The following NXPE3 variants were observed in gnomAD, a reference collection of about 807,000 sequenced individuals.
NXPE3 encodes NXPE family member 3.
A neutral mutation model predicts 46.1 loss-of-function variants in NXPE3; 26 were observed. The ratio of observed to expected loss-of-function variants is 0.56; its 90% CI spans 0.41 to 0.78. The LOEUF is 0.78. NXPE3 is among the 30% of genes least tolerant of loss of function. The pLI, the probability that NXPE3 is intolerant of heterozygous loss-of-function variation, is 0.00. For synonymous variants in NXPE3, 272 were observed against 257.9 expected (o/e 1.05, Z -0.52); for missense variants, 620 against 686.0 (o/e 0.90, Z 1.07).
intron 1 of NXPE3, among the ~76,000 whole-genome samples, chr3:101,781,516 A>C (rs138476481): frequency 6.6e-6 from 1 of 152,214 alleles, no homozygotes; most frequent in African/African-American, 2.4e-5. Flanking sequence ...ATTGGCCACT[A>C]TGAGTCTTGG....
Position 101,794,110 on chromosome 3 carries a change from CT to C in NXPE3, c.94-7113del, listed in dbSNP as rs1299035514. Reference sequence around the variant, plus strand: ...AAAACCATTGTTTCATGTATTTTGCCTTTTTTTTTTTTCAGTTGTTTCATGT... The same window carrying C: ...AAAACCATTGTTTCATGTATTTTGCCTTTTTTTTTTTCAGTTGTTTCATGT... On this transcript the variant is annotated intron_variant, in intron 4 of 7. Transcript: ENST00000273347. Among the ~76,000 whole-genome samples, 889 of 139,518 alleles carry C rather than the reference CT, an allele frequency of 6.4e-3. 4 individuals carry two copies. Among genetic ancestry groups the C allele is most frequent in the African/African-American group, 0.012 (467 of 38,256 alleles). 91.5% of individuals were successfully genotyped at this position (139,518 alleles called of 152,430 possible).
intron 6 of NXPE3, among the ~76,000 whole-genome samples, chr3:101,814,063 A>G (rs956477666): frequency 2.6e-5 from 4 of 152,252 alleles, no homozygotes; most frequent in African/African-American, 9.6e-5. Flanking sequence ...TTGAATGGAA[A>G]TGGTAATTGT....
chr3:101,819,822 G>A (rs1410315782), intron 7 of NXPE3, among the ~76,000 whole-genome samples: 1 of 151,964 alleles, frequency 6.6e-6, no homozygotes, highest in African/African-American at 2.4e-5. Context: ...ATTTACTATG[G>A]TTACCATGTT....
intron 6 of NXPE3, among the ~76,000 whole-genome samples, chr3:101,807,393 C>A (rs1425421196): frequency 6.6e-6 from 1 of 152,114 alleles, no homozygotes; most frequent in Non-Finnish European, 1.5e-5. Context: ...AATCTTTACT[C>A]ACTGCAGCCT....
chr3:101,784,533 C>A (rs148322256), intron 3 of NXPE3, among the ~76,000 whole-genome samples: 449 of 152,266 alleles, frequency 2.9e-3, no homozygotes, highest in Middle Eastern at 0.02. Flanking sequence ...TTCTGAGATA[C>A]TCTGCACCAT....
chr3:101,819,900 G>A (rs1282344952), intron 7 of NXPE3, among the ~76,000 whole-genome samples: 3 of 152,118 alleles, frequency 2.0e-5, no homozygotes, highest in East Asian at 1.9e-4. Context: ...GCACCTACCC[G>A]TCTAGCAGCC....
At chr3:101,813,378 G>A (rs887775531) in intron 6 of NXPE3, among the ~76,000 whole-genome samples, 72 of 150,192 alleles carry the variant, frequency 4.8e-4, no homozygotes, top group African/African-American at 1.7e-3. Context: ...CTCAATTCAC[G>A]TTGTGTCCTT....
intron 6 of NXPE3, among the ~76,000 whole-genome samples, chr3:101,807,887 G>A (rs1274222574): frequency 6.6e-6 from 1 of 152,062 alleles, no homozygotes; most frequent in Non-Finnish European, 1.5e-5. Flanking sequence ...TAGAGATATG[G>A]GTAAAATTAT....
chr3:101,812,915 C>T (rs1016326958), intron 6 of NXPE3, among the ~76,000 whole-genome samples: 1 of 149,290 alleles, frequency 6.7e-6, no homozygotes, highest in African/African-American at 2.5e-5. Flanking sequence ...ATCTATATAG[C>T]ATTCTTAGCT....
intron 6 of NXPE3, among the ~76,000 whole-genome samples, chr3:101,807,914 T>C (rs759479933): frequency 6.6e-6 from 1 of 151,982 alleles, no homozygotes; most frequent in East Asian, 1.9e-4. Context: ...AATGTTTAAA[T>C]CATCACAAAA....
At chr3:101,814,916 C>G (rs188610487) in intron 6 of NXPE3, among the ~76,000 whole-genome samples, 2 of 152,328 alleles carry the variant, frequency 1.3e-5, no homozygotes, top group East Asian at 1.9e-4. Flanking sequence ...TTGCTCCTTA[C>G]TAGCTCAGCT....
In NXPE3 at chr3:101,821,663, C is replaced by A; in HGVS notation, c.1389C>A (p.Ile463=). 1 of 1,614,222 alleles carries A rather than the reference C, an allele frequency of 6.2e-7. No individual in the cohort carries two copies. ...TGTACATCCGGCGGCTCAGGAACAT[C>A]CGTCGAGCAGTGGTTCGGCTCCTCG... is the stretch of plus-strand genomic sequence containing the variant. ...LEVYIRRLRN[I]RRAVVRLLDR... Residue 463 remains isoleucine, a synonymous_variant, in exon 8 of 8, where the codon ATC becomes ATA. Transcript: ENST00000273347.
chr3:101,795,545 T>C (rs1370006747), intron 4 of NXPE3, among the ~76,000 whole-genome samples: 1 of 151,262 alleles, frequency 6.6e-6, no homozygotes, highest in Admixed American at 6.6e-5. Context: ...GTCCATATTA[T>C]GAGAAGGGGG....
At chr3:101,782,430 G>C (rs1939877098) in intron 2 of NXPE3, 140 bp downstream of exon 2, 1 of 151,294 alleles carries the variant, frequency 6.6e-6, no homozygotes. Context: ...TAATGCGTAG[G>C]TTTTATGTTT....
Position 101,822,117 on chromosome 3 carries a change from G to A in NXPE3, c.*163G>A, listed in dbSNP as rs1942286237. 1.4e-5 allele frequency: 9 copies of A among 628,086 alleles called. No individual in the cohort carries two copies. The South Asian group carries it at 2.0e-4, about 14-fold the overall frequency. 38.9% of individuals were successfully genotyped at this position (628,086 alleles called of 1,614,324 possible). ...CTTATAAGGAGCTTAGAAAATGCAG[G>A]TTACATTTATATCTACCTATAGGAT... On this transcript the variant is annotated 3_prime_UTR_variant, in exon 8 of 8. Coordinates refer to ENST00000273347, the MANE Select transcript of NXPE3 (RefSeq NM_145037.4).
At chr3:101,796,124 A>G (rs1424648035) in intron 4 of NXPE3, among the ~76,000 whole-genome samples, 1 of 152,210 alleles carries the variant, frequency 6.6e-6, no homozygotes. Context: ...TCACATGCCC[A>G]TTCCTGAACC....
rs1470187501 is a variant in NXPE3 at position 101,821,423 on chromosome 3, G to A, written c.1149G>A (p.Leu383=). Reference sequence around the variant, plus strand: ...TTTCAGATTTAGTGGAGTTTAACTTGGGTAGTCCCAAGAATGTGGGTCCCT... The same window carrying A: ...TTTCAGATTTAGTGGAGTTTAACTTAGGTAGTCCCAAGAATGTGGGTCCCT... The part of the protein sequence containing the change: ...TFVPDLVEFN[L]GSPKNVGPFL... Residue 383 remains leucine, a synonymous_variant, in exon 8 of 8, where the codon TTG becomes TTA. Transcript: ENST00000273347. The A allele has an allele frequency of 8.1e-6, 13 of 1,613,596 alleles. No individual in the cohort carries two copies. The highest frequency in any genetic ancestry group is 1.7e-5 in the Admixed American group (1 of 59,992).
intron 6 of NXPE3, among the ~76,000 whole-genome samples, chr3:101,807,420 A>G (rs558377826): frequency 2.8e-4 from 42 of 152,156 alleles, no homozygotes; most frequent in African/African-American, 9.6e-4. Flanking sequence ...CCTAGGCTCA[A>G]TTGATCCTCC....
intron 4 of NXPE3, among the ~76,000 whole-genome samples, chr3:101,795,002 A>G (rs1372890772): frequency 6.6e-6 from 1 of 152,198 alleles, no homozygotes; most frequent in African/African-American, 2.4e-5. Flanking sequence ...TGAAGAGGTC[A>G]TCTTGTCCAG....
Sources: allele counts gnomAD v4.1 joint callset (sites outside exome capture counted in the v4.1 genomes callset), GRCh38; gene constraint gnomAD v4.1.1; transcripts MANE v1.5; gene names NCBI Gene and HGNC (gene_info 2026-07-23, HGNC 2026-07-21).